Variants in LAMB4 observed in about 807,000 individuals in gnomAD.
The protein encoded by LAMB4 is laminin subunit beta-4.
Under a neutral mutation model 199.2 loss-of-function variants are expected in LAMB4, and 196 were observed. That is an observed-to-expected ratio of 0.98 (90% CI 0.88 to 1.11). The LOEUF is 1.11. Ranked by LOEUF, LAMB4 falls within the 50% of genes least tolerant of loss-of-function variation. LAMB4 has a pLI of 0.00. For synonymous variants in LAMB4, 744 were observed against 770.6 expected, an observed-to-expected ratio of 0.97 and a Z score of 0.57; for missense variants, 2,080 against 2,171.2, an observed-to-expected ratio of 0.96 and a Z score of 0.83.
intron 29 of LAMB4, among the ~76,000 whole-genome samples, chr7:108,043,426 T>C (rs1003021997): frequency 3.3e-5 from 5 of 152,236 alleles, no homozygotes; most frequent in Middle Eastern, 6.8e-3. Flanking sequence ...TGTAATTTTT[T>C]GGCACAGAGT....
At position 108,065,721 on chromosome 7, in the gene LAMB4, G is replaced by A. The variant is rs748618455; in HGVS notation, c.2836+41C>T. ...TGATCATTTTACAGATTACAGTGTGGGATAAAGAGAAAAAATTGCATCAAG... is the reference window on the plus strand; with the variant it reads ...TGATCATTTTACAGATTACAGTGTGAGATAAAGAGAAAAAATTGCATCAAG... On this transcript the variant is annotated intron_variant, in intron 21 of 33. Coordinates refer to ENST00000388781, the MANE Select transcript of LAMB4 (RefSeq NM_007356.3). 3 of 1,547,100 alleles carry A rather than the reference G, an allele frequency of 1.9e-6. No homozygotes were observed. In the African/African-American group the frequency reaches 4.1e-5, roughly 21 times the overall value.
chr7:108,026,800 C>T (rs1426179377), intron 33 of LAMB4: 3 of 460,942 alleles, frequency 6.5e-6, no homozygotes, highest in Non-Finnish European at 1.3e-5. Flanking sequence ...GGCTCCTCTT[C>T]CTAACAGAGA....
At chr7:108,042,937 CTGTGTGTGTGTGTGTG>C (rs754739499) in intron 29 of LAMB4, among the ~76,000 whole-genome samples, 20 of 140,392 alleles carry the variant, frequency 1.4e-4, no homozygotes, top group South Asian at 1.4e-3. Flanking sequence ...CTCTCAATCT[CTGTGTGTGTGTGTGTG>C]TGTGTGTGTG....
rs74861798 is a variant in LAMB4 at position 108,124,798 on chromosome 7, C to T, written c.-33-1601G>A. Among the ~76,000 whole-genome samples the T allele has an allele frequency of 7.8e-3, 1,192 of 152,274 alleles. 18 individuals carry two copies. Among genetic ancestry groups the T allele is most frequent in the East Asian group, 0.071 (367 of 5,182 alleles). ...TCCTTGTGAATCCGTTACCCTCCTACTCCCATATTCCCAGTCCCTGCACAT... is the reference window on the plus strand; with the variant it reads ...TCCTTGTGAATCCGTTACCCTCCTATTCCCATATTCCCAGTCCCTGCACAT... On this transcript the variant is annotated intron_variant, in intron 1 of 33. Transcript: ENST00000388781.
chr7:108,020,592 C>G (rs2034672397), downstream of LAMB4, among the ~76,000 whole-genome samples: 1 of 151,404 alleles, frequency 6.6e-6, no homozygotes, highest in Non-Finnish European at 1.5e-5. Context: ...TTTATTTTGG[C>G]TACTCACATT....
chr7:108,068,473 T>C (rs2036420561), intron 18 of LAMB4, among the ~76,000 whole-genome samples: 1 of 152,222 alleles, frequency 6.6e-6, no homozygotes, highest in South Asian at 2.1e-4. Context: ...GCATTCTTAA[T>C]ACTTCAATTC....
Position 108,127,175 on chromosome 7 carries a change from GTTTTTTTTTTTGTGTT to G in LAMB4, c.-34+3115_-34+3130del, listed in dbSNP as rs756148636. 8.8e-4 allele frequency among the ~76,000 whole-genome samples: 121 copies of G among 138,146 alleles called. 1 individual carries two copies. The highest frequency in any genetic ancestry group is 2.1e-3 in the South Asian group (9 of 4,286). The allele number at this position is 138,146 out of a possible 152,430, so 90.6% of individuals were successfully genotyped here. Reference sequence around the variant, plus strand: ...TTTACTGCACATTAAAATCACCAGGGTTTTTTTTTTTGTGTTTTTTTTTTTTTTTTGAATCCTGCTT... The same window carrying G: ...TTTACTGCACATTAAAATCACCAGGGTTTTTTTTTTTTTTGAATCCTGCTT... On this transcript the variant is annotated intron_variant, in intron 1 of 33. Coordinates refer to ENST00000388781, the MANE Select transcript of LAMB4 (RefSeq NM_007356.3).
rs772964568 is a variant in LAMB4 at position 108,025,417 on chromosome 7, C to CTTTCCTTTCTTTCTTCTTTCTTTCT, written c.5147-1240_5147-1239insAGAAAGAAAGAAGAAAGAAAGGAAA. The stretch of plus-strand genomic sequence containing the variant: ...TCTTTCTTTCTTTCTTTCTTTCTTT[C>CTTTCCTTTCTTTCTTCTTTCTTTCT]TTCTTTCTTTCTTTCTTTTTTTTTT... On this transcript the variant is annotated intron_variant, in intron 33 of 33. Coordinates refer to ENST00000388781, the MANE Select transcript of LAMB4 (RefSeq NM_007356.3). Among the ~76,000 whole-genome samples the CTTTCCTTTCTTTCTTCTTTCTTTCT allele has an allele frequency of 1.0e-4, 11 of 107,852 alleles. 1 individual carries two copies. Among genetic ancestry groups the CTTTCCTTTCTTTCTTCTTTCTTTCT allele is most frequent in the African/African-American group, 6.6e-4 (10 of 15,246 alleles). 70.8% of individuals were successfully genotyped at this position (107,852 alleles called of 152,430 possible).
At chr7:108,079,930 A>G in intron 14 of LAMB4, 144 bp from the exon 15 acceptor site, 1 of 597,500 alleles carries the variant, frequency 1.7e-6, no homozygotes, top group Non-Finnish European at 2.8e-6. Context: ...TATTCTAAGC[A>G]GGATACAGTC....
chr7:108,099,642 C>T (rs987804675), intron 10 of LAMB4, among the ~76,000 whole-genome samples: 5 of 151,990 alleles, frequency 3.3e-5, no homozygotes, highest in South Asian at 2.1e-4. Context: ...ACTTTTAAGG[C>T]GTGTAATAAA....
intron 33 of LAMB4, among the ~76,000 whole-genome samples, chr7:108,027,809 GTCTC>G (rs2034888244): frequency 1.3e-5 from 2 of 152,218 alleles, no homozygotes; most frequent in Non-Finnish European, 2.9e-5. Flanking sequence ...TTGAGACAGA[GTCTC>G]TCTCTGTTGC....
At chr7:108,048,545 A>G (rs989689820) in intron 27 of LAMB4, among the ~76,000 whole-genome samples, 1 of 152,226 alleles carries the variant, frequency 6.6e-6, no homozygotes, top group African/African-American at 2.4e-5. Context: ...TCCTTGGTAC[A>G]TGGGGGTAAC....
chr7:108,084,784 C>CTTT (rs745640979), intron 14 of LAMB4, among the ~76,000 whole-genome samples: 159 of 96,524 alleles, frequency 1.6e-3, no homozygotes, highest in African/African-American at 2.8e-3. Context: ...CCAAGGAATC[C>CTTT]TTTTTTTTTT....
chr7:108,049,372 C>G lies in LAMB4; in HGVS notation c.4076G>C (p.Arg1359Thr). 1 of 1,588,446 alleles carries G rather than the reference C, an allele frequency of 6.3e-7. No individual in the cohort carries two copies. The highest frequency in any genetic ancestry group is 1.1e-5 in the South Asian group (1 of 90,318). The change falls in exon 27 of 34, where the codon AGA becomes ACA. Residue 1359 changes from arginine to threonine, a missense_variant. Physicochemically the swap from Arg to Thr is moderately conservative, Grantham distance 71. Coordinates refer to ENST00000388781, the MANE Select transcript of LAMB4 (RefSeq NM_007356.3). ...LTSKGNLSLE[R>T]LKQIKIPDIQ... ...ATCTGGTATCTTAATCTGCTTTAAT[C>G]TTTCCAATGACAAGTTTCCTTTTGA...
At position 108,091,634 on chromosome 7, in the gene LAMB4, C is replaced by G. The variant is rs1242233282; in HGVS notation, c.1693G>C (p.Ala565Pro). ...GTAAATGAAATACGAACCAAAGGCG[C>G]CAGTCCTTGGAGTGTTGTGGCTTCC... ...AEEATTLQGL[A>P]PLGSETFGQS... Residue 565 changes from alanine (A) to proline (P), a missense_variant, in exon 14 of 34, where the codon GCG becomes CCG. Ala to Pro is a conservative substitution (Grantham distance 27). Coordinates refer to ENST00000388781, the MANE Select transcript of LAMB4 (RefSeq NM_007356.3). 10 of 1,613,090 alleles carry G rather than the reference C, an allele frequency of 6.2e-6. No individual in the cohort carries two copies. In the South Asian group the frequency reaches 1.1e-4, roughly 18 times the overall value.
At chr7:108,036,913 C>A (rs1461274079) in intron 30 of LAMB4, among the ~76,000 whole-genome samples, 2 of 146,124 alleles carry the variant, frequency 1.4e-5, no homozygotes, top group African/African-American at 5.0e-5. Flanking sequence ...AACCGCAATT[C>A]CTTTTGCACC....
intron 15 of LAMB4, among the ~76,000 whole-genome samples, chr7:108,079,137 G>C (rs983237965): frequency 6.6e-5 from 10 of 152,204 alleles, no homozygotes; most frequent in Admixed American, 2.0e-4. Flanking sequence ...GGGCGGCAGG[G>C]GGTCTACTAG....
chr7:108,080,493 AAT>A (rs2036888899), intron 14 of LAMB4, among the ~76,000 whole-genome samples: 1 of 152,080 alleles, frequency 6.6e-6, no homozygotes, highest in African/African-American at 2.4e-5. Context: ...TCTCTGGTCC[AAT>A]ATATATCATG....
Position 108,107,673 on chromosome 7 carries a change from A to G in LAMB4, c.549T>C (p.Cys183=), listed in dbSNP as rs755114878. The G allele has an allele frequency of 8.1e-6, 13 of 1,612,108 alleles. No homozygotes were observed. The Admixed American group carries it at 2.2e-4, about 27-fold the overall frequency. ...GTTCAATATCCGAGTATTTGGAGTC[A>G]CAAACAATGTCTCCCACTCCCTGGG... ...GQAQGVGDIV[C]DSKYSDIEPS... is the part of the protein sequence containing the mutation. The change falls in exon 6 of 34, where the codon TGT becomes TGC. Residue 183 remains cysteine, a synonymous_variant. Transcript: ENST00000388781.
Sources: gnomAD v4.1 joint callset for allele counts (sites outside exome capture counted in the v4.1 genomes callset) on GRCh38, gnomAD v4.1.1 for gene constraint, MANE v1.5 for transcripts, NCBI Gene and HGNC (gene_info 2026-07-23, HGNC 2026-07-21) for gene names.